Variants in CAMTA2 observed in about 807,000 individuals in gnomAD.
The protein encoded by CAMTA2 is calmodulin-binding transcription activator 2.
CAMTA2 carries 56 observed loss-of-function variants against 135.7 expected under a neutral mutation model. That is an observed-to-expected ratio of 0.41 (90% CI 0.33 to 0.52). The LOEUF (loss-of-function observed/expected upper bound fraction) is 0.52, where lower values mean the gene tolerates loss of function less well. CAMTA2 is among the 20% of genes least tolerant of loss of function. The pLI is 0.16. For missense variants in CAMTA2, 1,358 were observed against 1,553.4 expected, an observed-to-expected ratio of 0.87 and a Z score of 2.11; for synonymous variants, 591 against 604.6, an observed-to-expected ratio of 0.98 and a Z score of 0.33.
chr17:4,970,049 A>T lies in CAMTA2; in HGVS notation c.3042T>A (p.Pro1014=), dbSNP rs374140630. The stretch of plus-strand genomic sequence containing the variant: ...GAAACTCTGCCCAGGAGGGTGCTGA[A>T]GGGACAGCCAGGCGACCTCGCTCAA... ...LPFERGRLAV[P]SAPSWAEFLS... Residue 1014 remains proline (P), a synonymous_variant, in exon 18 of 23, where the codon CCT becomes CCA. Transcript: ENST00000348066. The T allele has an allele frequency of 6.2e-6, 10 of 1,614,154 alleles. No homozygotes were observed. The highest frequency in any genetic ancestry group is 7.6e-6 in the Non-Finnish European group (9 of 1,180,046).
chr17:4,978,718 A>G (rs1381814968), intron 9 of CAMTA2, 88 bp from the exon 10 acceptor site: 1 of 1,458,612 alleles, frequency 6.9e-7, no homozygotes, highest in South Asian at 1.3e-5. Context: ...CAGGGTATCT[A>G]CTATATGGCA....
intron 6 of CAMTA2, 29 bp from the exon 7 acceptor site, chr17:4,981,860 A>G (rs1235744054): frequency 6.4e-7 from 1 of 1,570,458 alleles, no homozygotes; most frequent in South Asian, 1.1e-5. Flanking sequence ...ACACAGAGCC[A>G]TGGGGTCCTG....
At position 4,976,006 on chromosome 17, in the gene CAMTA2, A is replaced by T. The variant is rs1041084162; in HGVS notation, c.1900+1052T>A. On this transcript the variant is annotated intron_variant, in intron 11 of 22. Coordinates refer to ENST00000348066, the MANE Select transcript of CAMTA2 (RefSeq NM_015099.4). The stretch of plus-strand genomic sequence containing the variant: ...TCACTGAGAAGTAGTAGTATAGGAA[A>T]TTTTTTTCTTTTTTTTTGAGACGGA... Among the ~76,000 whole-genome samples the T allele has an allele frequency of 2.6e-5, 4 of 152,142 alleles. No individual in the cohort carries two copies. In the South Asian group the frequency reaches 6.2e-4, roughly 24 times the overall value.
chr17:4,982,137 G>C lies in CAMTA2; in HGVS notation c.363C>G (p.His121Gln), dbSNP rs753117078. 1.3e-6 allele frequency: 2 copies of C among 1,564,396 alleles called. No homozygotes were observed. The highest frequency in any genetic ancestry group is 1.7e-6 in the Non-Finnish European group (2 of 1,150,294). ...GMECLYGCYV[H>Q]SSIVPTFHRR... ...GATGGAATGTGGGGACGATGGAAGA[G>C]TGAACGTAGCAGCCATAGAGACACT... Residue 121 changes from histidine (H) to glutamine (Q), a missense_variant, in exon 6 of 23, where the codon CAC (histidine) becomes CAG (glutamine). Transcript: ENST00000348066.
In CAMTA2 at chr17:4,981,250, G is replaced by A. The variant is rs777144285; in HGVS notation, c.675C>T (p.His225=). 24 of 1,613,890 alleles carry A rather than the reference G, an allele frequency of 1.5e-5. No individual in the cohort carries two copies. Among genetic ancestry groups the A allele is most frequent in the East Asian group, 8.9e-5 (4 of 44,898 alleles). ...CAAGCCCCCCACTGCAGAGACAGGC[G>A]TGGGTTCGGGGAGCAGGCTTGGTTG... The part of the protein sequence containing the change: ...THPTKPAPRT[H]ACLCSGGLGS... The change falls in exon 8 of 23, where the codon CAC becomes CAT. Residue 225 remains histidine, a synonymous_variant. Transcript: ENST00000348066.
Position 4,980,695 on chromosome 17 carries a change from A to G in CAMTA2, c.701-74T>C. 8 of 1,173,462 alleles carry G rather than the reference A, an allele frequency of 6.8e-6. No homozygotes were observed. Among genetic ancestry groups the G allele is most frequent in the East Asian group, 2.3e-5 (1 of 42,888 alleles). The allele number at this position is 1,173,462 out of a possible 1,614,324, so 72.7% of individuals were successfully genotyped here. On this transcript the variant is annotated intron_variant, in intron 8 of 22. Transcript: ENST00000348066. This position sits in a 1 kb window ranked among gnomAD's most constrained non-coding sequence, Gnocchi z 5.3. ...GCACCTTCTCTACCTTGAGGCCCTT[A>G]AAAGTATTTCCTGGGACGTCCCTAT...
intron 11 of CAMTA2, among the ~76,000 whole-genome samples, chr17:4,976,276 G>C (rs1016712597): frequency 2.6e-5 from 4 of 151,958 alleles, no homozygotes; most frequent in African/African-American, 7.3e-5. Context: ...AAAGTGCTGG[G>C]ATTAGAAGCA....
Position 4,972,488 on chromosome 17 carries a change from G to T in CAMTA2, c.2552C>A (p.Ser851Tyr). 1.2e-6 allele frequency: 2 copies of T among 1,612,004 alleles called. No individual in the cohort carries two copies. The highest frequency in any genetic ancestry group is 1.7e-6 in the Non-Finnish European group (2 of 1,179,198). The change falls in exon 16 of 23, where the codon TCC becomes TAC. Residue 851 changes from serine to tyrosine, a missense_variant. Physicochemically the swap from Ser to Tyr is moderately radical, Grantham distance 144. Coordinates refer to ENST00000348066, the MANE Select transcript of CAMTA2 (RefSeq NM_015099.4). ...SPSELSDGTF[S>Y]VTSAYSSAPD... is the part of the protein sequence containing the mutation. Reference sequence around the variant, plus strand: ...GGCACTAGAATAGGCTGACGTGACGGAAAAGGTGCCATCCGACAGCTCCGA... The same window carrying T: ...GGCACTAGAATAGGCTGACGTGACGTAAAAGGTGCCATCCGACAGCTCCGA...
At chr17:4,972,200 AG>A (rs748856286) in intron 16 of CAMTA2, 31 bp downstream of exon 16, 1 of 1,574,262 alleles carries the variant, frequency 6.4e-7, no homozygotes, top group Non-Finnish European at 8.7e-7. Flanking sequence ...CTCCACTTCT[AG>A]CCCCCATAAC....
intron 13 of CAMTA2, 45 bp from the exon 14 acceptor site, chr17:4,973,298 A>T (rs1972419473): frequency 6.7e-7 from 1 of 1,497,332 alleles, no homozygotes; most frequent in Non-Finnish European, 9.3e-7. Context: ...TGAGGGAAAA[A>T]GTGGGCAAAG....
chr17:4,987,578 G>A lies in CAMTA2; in HGVS notation c.-65+15C>T, dbSNP rs944702862. The stretch of plus-strand genomic sequence containing the variant: ...CGCGGGGGCGGAGAGGCGGGCGAGA[G>A]GCCCTGGCTCTTACCTCCCGGGGTC... On this transcript the variant is annotated intron_variant, in intron 1 of 22. Transcript: ENST00000348066. The A allele has an allele frequency of 2.8e-5, 42 of 1,516,774 alleles. No homozygotes were observed. Among genetic ancestry groups the A allele is most frequent in the Non-Finnish European group, 3.4e-5 (39 of 1,137,862 alleles). 94.0% of individuals were successfully genotyped at this position (1,516,774 alleles called of 1,614,324 possible). A position where few individuals can be genotyped will look rare whatever the true frequency, so the allele number is the denominator to read the frequency against.
chr17:4,976,950 G>T (rs1338111208), intron 11 of CAMTA2, 108 bp downstream of exon 11: 2 of 1,090,682 alleles, frequency 1.8e-6, no homozygotes, highest in African/African-American at 3.2e-5. Flanking sequence ...AAAAAAAATG[G>T]TAAAGTGGGG....
intron 13 of CAMTA2, 120 bp from the exon 14 acceptor site, chr17:4,973,373 A>G: frequency 2.2e-6 from 2 of 915,382 alleles, no homozygotes; most frequent in Non-Finnish European, 3.6e-6. Flanking sequence ...AGAGGCAGTC[A>G]AGGACACTAG....
At position 4,972,754 on chromosome 17, in the gene CAMTA2, T is replaced by G; in HGVS notation, c.2503+15A>C. On this transcript the variant is annotated intron_variant, in intron 15 of 22. Transcript: ENST00000348066. ...ACCTACATCCCTCTCTCCAAAAGAT[T>G]AGGGCCACCCTCACCAGTGTCTGGG... The G allele has an allele frequency of 6.2e-7, 1 of 1,610,050 alleles. No homozygotes were observed. The highest frequency in any genetic ancestry group is 8.5e-7 in the Non-Finnish European group (1 of 1,176,722).
intron 16 of CAMTA2, among the ~76,000 whole-genome samples, chr17:4,971,503 C>G (rs1429671668): frequency 6.6e-6 from 1 of 152,022 alleles, no homozygotes; most frequent in East Asian, 1.9e-4. Context: ...GCCACCATGC[C>G]TATTTTTAAA....
intron 7 of CAMTA2, 90 bp downstream of exon 7, chr17:4,981,588 C>A: frequency 7.0e-7 from 1 of 1,436,004 alleles, no homozygotes; most frequent in South Asian, 1.3e-5. Context: ...AGATGATCAG[C>A]CCTCAGGCTT....
At position 4,968,164 on chromosome 17, in the gene CAMTA2, AC is replaced by A. The variant is rs1972029576; in HGVS notation, c.*591del. 3.1e-6 allele frequency: 1 copy of A among 326,890 alleles called. No homozygotes were observed. The allele number at this position is 326,890 out of a possible 1,614,324, so 20.2% of individuals were successfully genotyped here. On this transcript the variant is annotated 3_prime_UTR_variant, in exon 23 of 23. Coordinates refer to ENST00000348066, the MANE Select transcript of CAMTA2 (RefSeq NM_015099.4). The stretch of plus-strand genomic sequence containing the variant: ...GATTCTTCACTATACTCTGTATGTT[AC>A]AGTATGTACAAGACCCCTCCCCTCG...
chr17:4,968,661 A>G lies in CAMTA2; in HGVS notation c.*95T>C, dbSNP rs1483614628. ...GGGCTCCAACAAAGGTGAACAGGAA[A>G]GCTGCCGACAGGGGCTCCCCCTGCC... On this transcript the variant is annotated 3_prime_UTR_variant, in exon 23 of 23. Coordinates refer to ENST00000348066, the MANE Select transcript of CAMTA2 (RefSeq NM_015099.4). 1.4e-6 allele frequency: 2 copies of G among 1,437,140 alleles called. No homozygotes were observed. The highest frequency in any genetic ancestry group is 1.7e-5 in the Admixed American group (1 of 57,206). 89.0% of individuals were successfully genotyped at this position (1,437,140 alleles called of 1,614,324 possible).
In CAMTA2 at chr17:4,973,776, T is replaced by C; in HGVS notation, c.2017-7A>G. ...CAGGCCCCTGGCCTTCATCCTGCGA[T>C]ATACACACTCTTAGGCAGAGACCCA... On this transcript the variant is annotated splice_polypyrimidine_tract_variant and splice_region_variant and intron_variant, in intron 12 of 22. Coordinates refer to ENST00000348066, the MANE Select transcript of CAMTA2 (RefSeq NM_015099.4). 6.3e-7 allele frequency: 1 copy of C among 1,598,588 alleles called. No individual in the cohort carries two copies. Among genetic ancestry groups the C allele is most frequent in the Middle Eastern group, 1.7e-4 (1 of 5,982 alleles).
Sources: gnomAD v4.1 joint callset for allele counts (sites outside exome capture counted in the v4.1 genomes callset) on GRCh38, gnomAD v4.1.1 for gene constraint, Gnocchi (gnomAD v3.1) non-coding constraint, MANE v1.5 for transcripts, NCBI Gene and HGNC (gene_info 2026-07-23, HGNC 2026-07-21) for gene names.